Variants in CMTR1 observed in about 807,000 individuals in gnomAD.
The protein encoded by CMTR1 is cap-specific mRNA (nucleoside-2'-O-)-methyltransferase 1.
In CMTR1, 39 loss-of-function variants were observed where a neutral mutation model predicts 107.0. The observed-to-expected ratio is 0.36, with a 90% CI of 0.28 to 0.48. The LOEUF (loss-of-function observed/expected upper bound fraction) is 0.48. Ranked by LOEUF, CMTR1 falls within the 20% of genes least tolerant of loss-of-function variation. The probability of loss-of-function intolerance (pLI) is 0.99; values close to 1 mark genes in which losing one functional copy is unlikely to be tolerated. For synonymous variants in CMTR1, 366 were observed against 379.5 expected, an observed-to-expected ratio of 0.96 and a Z score of 0.41; for missense variants, 672 against 1,064.9, an observed-to-expected ratio of 0.63 and a Z score of 5.14.
chr6:37,448,019 G>T (rs1771839301), intron 4 of CMTR1, among the ~76,000 whole-genome samples: 1 of 151,974 alleles, frequency 6.6e-6, no homozygotes, highest in African/African-American at 2.4e-5. Flanking sequence ...GACCATCTTG[G>T]CTAACACGGT....
the CMTR1 span, among the ~76,000 whole-genome samples, chr6:37,427,549 C>T: frequency 5.3e-5 from 8 of 152,304 alleles, no homozygotes; most frequent in East Asian, 1.5e-3. The surrounding 1 kb of genome is among the most constrained non-coding windows in gnomAD (Gnocchi z 4.4). Context: ...TACATTTACA[C>T]ACACTGGCAA....
intron 13 of CMTR1, among the ~76,000 whole-genome samples, chr6:37,470,673 G>T (rs1049738581): frequency 6.6e-6 from 1 of 152,190 alleles, no homozygotes; most frequent in African/African-American, 2.4e-5. Flanking sequence ...AGAAAGGGTG[G>T]CTGTTAGTAT....
chr6:37,448,640 C>T (rs919430111), intron 4 of CMTR1, among the ~76,000 whole-genome samples: 5 of 152,190 alleles, frequency 3.3e-5, no homozygotes, highest in Non-Finnish European at 7.3e-5. Context: ...CCCTCAAGAC[C>T]TTGCATTGTG....
At position 37,474,555 on chromosome 6, in the gene CMTR1, A is replaced by T. The variant is rs1357335870; in HGVS notation, c.1853A>T (p.Gln618Leu). 6.2e-7 allele frequency: 1 copy of T among 1,614,032 alleles called. No individual in the cohort carries two copies. Among genetic ancestry groups the T allele is most frequent in the Non-Finnish European group, 8.5e-7 (1 of 1,179,972 alleles). ...KSQIYTWDGR[Q>L]SDRWIKLDLK... ...CAGATCTACACATGGGATGGCCGCC[A>T]GTCAGACCGCTGGATCAAGCTAGAC... The change falls in exon 18 of 24, where the codon CAG (glutamine) becomes CTG (leucine). Residue 618 changes from glutamine (Q) to leucine (L), a missense_variant. This residue lies in a region of CMTR1 where 583 missense variants were observed against 968.4 expected (regional missense o/e 0.60). Transcript: ENST00000373451.
rs922762991 is a variant in CMTR1 at position 37,451,748 on chromosome 6, C to A, written c.538-58C>A. 8.4e-6 allele frequency: 11 copies of A among 1,304,836 alleles called. No homozygotes were observed. In the African/African-American group the frequency reaches 1.5e-4, roughly 17 times the overall value. The allele number at this position is 1,304,836 out of a possible 1,614,324, so 80.8% of individuals were successfully genotyped here. On this transcript the variant is annotated intron_variant, in intron 5 of 23. Transcript: ENST00000373451. The stretch of plus-strand genomic sequence containing the variant: ...TACTTGGAACCCTAATTTCTTCATT[C>A]ATCCCCGACAATTGCAGTCACACGT...
At chr6:37,434,573 A>G (rs1045752280) in intron 1 of CMTR1, among the ~76,000 whole-genome samples, 2 of 152,016 alleles carry the variant, frequency 1.3e-5, no homozygotes, top group South Asian at 2.1e-4. Flanking sequence ...CTTATCTCTC[A>G]TGTACCTAAC....
At position 37,466,386 on chromosome 6, in the gene CMTR1, G is replaced by A. The variant is rs1183955133; in HGVS notation, c.1505+3378G>A. Among the ~76,000 whole-genome samples, 6 of 151,942 alleles carry A rather than the reference G, an allele frequency of 3.9e-5. No individual in the cohort carries two copies. The South Asian group carries it at 1.0e-3, about 26-fold the overall frequency. Reference sequence around the variant, plus strand: ...CTTGACTTCGTGATCCTCCTGCCTCGGCCTCCCAAAGTGCTGGAATTACGG... The same window carrying A: ...CTTGACTTCGTGATCCTCCTGCCTCAGCCTCCCAAAGTGCTGGAATTACGG... On this transcript the variant is annotated intron_variant, in intron 13 of 23. Transcript: ENST00000373451.
chr6:37,461,789 A>C, intron 11 of CMTR1, 144 bp downstream of exon 11: 1 of 855,864 alleles, frequency 1.2e-6, no homozygotes, highest in Non-Finnish European at 1.8e-6. Context: ...TTTAGGGAAG[A>C]AAGGGCTGTG....
chr6:37,436,797 G>C (rs1771539690), intron 2 of CMTR1, among the ~76,000 whole-genome samples: 1 of 152,100 alleles, frequency 6.6e-6, no homozygotes, highest in Non-Finnish European at 1.5e-5. Context: ...ACAGGCTTTG[G>C]GGAGGATACC....
chr6:37,481,075 T>G lies in CMTR1; in HGVS notation c.*930T>G. 7.7e-7 allele frequency: 1 copy of G among 1,304,300 alleles called. No homozygotes were observed. Among genetic ancestry groups the G allele is most frequent in the Non-Finnish European group, 1.0e-6 (1 of 988,954 alleles). 80.8% of individuals were successfully genotyped at this position (1,304,300 alleles called of 1,614,324 possible). A position where few individuals can be genotyped will look rare whatever the true frequency, so the allele number is the denominator to read the frequency against. On this transcript the variant is annotated 3_prime_UTR_variant, in exon 24 of 24. Coordinates refer to ENST00000373451, the MANE Select transcript of CMTR1 (RefSeq NM_015050.3). ...TCTTGGCAGAATTCTGAGCTTGAAG[T>G]GCAGCTCCCTTACTACCCTTTCCCT...
chr6:37,445,728 C>T (rs1451130979), intron 3 of CMTR1, among the ~76,000 whole-genome samples: 4 of 151,994 alleles, frequency 2.6e-5, no homozygotes, highest in African/African-American at 9.6e-5. Context: ...CTCCTGACCT[C>T]GTGATCCGCC....
At chr6:37,453,684 G>A (rs549205278) in intron 8 of CMTR1, among the ~76,000 whole-genome samples, 192 of 152,364 alleles carry the variant, frequency 1.3e-3, no homozygotes, top group African/African-American at 4.5e-3. Context: ...GGGCATTTCA[G>A]TGGGCATTTT....
In CMTR1 at chr6:37,446,343, G is replaced by C. The variant is rs765110402; in HGVS notation, c.338G>C (p.Arg113Pro). 1.9e-6 allele frequency: 3 copies of C among 1,614,182 alleles called. No homozygotes were observed. Among genetic ancestry groups the C allele is most frequent in the Non-Finnish European group, 2.5e-6 (3 of 1,180,038 alleles). ...GEGLGKYSQG[R>P]KDIVEASSQK... ...GGATTGGGTAAATACAGCCAGGGTC[G>C]GAAGGACATCGTTGAGGCTTCCAGT... Residue 113 changes from arginine to proline, a missense_variant, in exon 4 of 24, where the codon CGG (arginine) becomes CCG (proline). Physicochemically the swap from Arg to Pro is moderately radical, Grantham distance 103. This residue lies in a region of CMTR1 where 583 missense variants were observed against 968.4 expected (regional missense o/e 0.60). Transcript: ENST00000373451.
At position 37,475,305 on chromosome 6, in the gene CMTR1, C is replaced by G. The variant is rs1402028845; in HGVS notation, c.1945-16C>G. 3.7e-6 allele frequency: 6 copies of G among 1,607,848 alleles called. No homozygotes were observed. The South Asian group carries it at 6.6e-5, about 18-fold the overall frequency. On this transcript the variant is annotated splice_polypyrimidine_tract_variant and intron_variant, in intron 18 of 23. Transcript: ENST00000373451. ...ACACCTGGCAGAGTGGGCAGTGTAC[C>G]TACTTATCCTTCTAGGGGAAGGCCC...
the CMTR1 span, among the ~76,000 whole-genome samples, chr6:37,426,865 A>G: frequency 6.6e-6 from 1 of 152,206 alleles, no homozygotes; most frequent in African/African-American, 2.4e-5. Flanking sequence ...CCAGCCCTTT[A>G]AATCTCCAGG....
chr6:37,453,652 G>GGAAATATAGTT (rs1554198599), intron 8 of CMTR1, among the ~76,000 whole-genome samples: 125 of 152,336 alleles, frequency 8.2e-4, no homozygotes, highest in African/African-American at 2.7e-3. Flanking sequence ...GGGGAATATG[G>GGAAATATAGTT]TTTGAGTGTT....
upstream of CMTR1, among the ~76,000 whole-genome samples, chr6:37,430,142 G>A (rs1352423502): frequency 2.0e-5 from 3 of 152,196 alleles, no homozygotes; most frequent in African/African-American, 4.8e-5. Context: ...GGGAGAAAAC[G>A]AAGGGGAAAA....
Position 37,481,181 on chromosome 6 carries a change from G to C in CMTR1, c.*1036G>C, listed in dbSNP as rs375677825. 4 of 1,300,780 alleles carry C rather than the reference G, an allele frequency of 3.1e-6. No individual in the cohort carries two copies. The highest frequency in any genetic ancestry group is 4.6e-5 in the Admixed American group (2 of 43,422). The allele number at this position is 1,300,780 out of a possible 1,614,324, so 80.6% of individuals were successfully genotyped here. ...CACTCCCATTTCCTTTATCTTGGCCGACAACACAGAGAGGAGGGGGAGCTG... is the reference window on the plus strand; with the variant it reads ...CACTCCCATTTCCTTTATCTTGGCCCACAACACAGAGAGGAGGGGGAGCTG... On this transcript the variant is annotated 3_prime_UTR_variant, in exon 24 of 24. Coordinates refer to ENST00000373451, the MANE Select transcript of CMTR1 (RefSeq NM_015050.3).
chr6:37,451,826 T>C lies in CMTR1; in HGVS notation c.558T>C (p.Asp186=). ...TGTAGAGAAAGATGATTATTGAAGA[T>C]GAAACAGAGTTTTGTGGGGAAGAGC... is the stretch of plus-strand genomic sequence containing the variant. The part of the protein sequence containing the change: ...VVGKRKMIIE[D]ETEFCGEELL... The change falls in exon 6 of 24, where the codon GAT becomes GAC. Residue 186 remains aspartate, a synonymous_variant. Transcript: ENST00000373451. 6.2e-7 allele frequency: 1 copy of C among 1,613,662 alleles called. No homozygotes were observed. Among genetic ancestry groups the C allele is most frequent in the Non-Finnish European group, 8.5e-7 (1 of 1,179,766 alleles).
Sources: gnomAD v4.1 joint callset for allele counts (sites outside exome capture counted in the v4.1 genomes callset) on GRCh38, gnomAD v4.1.1 for gene constraint, gnomAD v4.1.1 regional missense constraint, Gnocchi (gnomAD v3.1) non-coding constraint, MANE v1.5 for transcripts, NCBI Gene and HGNC (gene_info 2026-07-23, HGNC 2026-07-21) for gene names.